Variants in FAM163A observed in about 807,000 individuals in gnomAD.
The protein encoded by FAM163A is family with sequence similarity 163 member A, also known as protein FAM163A.
Under a neutral mutation model 12.0 loss-of-function variants are expected in FAM163A, and 7 were observed. The ratio of observed to expected loss-of-function variants is 0.58; its 90% CI spans 0.33 to 1.10. The LOEUF (loss-of-function observed/expected upper bound fraction) is 1.10. Ranked by LOEUF, FAM163A falls within the 50% of genes least tolerant of loss-of-function variation. The pLI is 0.03. For missense variants in FAM163A, 202 were observed against 218.6 expected (o/e 0.92, Z 0.48); for synonymous variants, 101 against 91.0 (o/e 1.11, Z -0.62).
intron 1 of FAM163A, among the ~76,000 whole-genome samples, chr1:179,776,110 C>G (rs114901816): frequency 0.011 from 1,634 of 152,188 alleles, 36 homozygotes; most frequent in African/African-American, 0.037. Flanking sequence ...GTCTAGTCAA[C>G]GAGTCAGCAT....
chr1:179,808,885 G>A (rs1694314835), intron 2 of FAM163A, among the ~76,000 whole-genome samples: 1 of 152,160 alleles, frequency 6.6e-6, no homozygotes, highest in Non-Finnish European at 1.5e-5. Flanking sequence ...AAGAGACAAT[G>A]AGCCCTCCTG....
chr1:179,740,036 C>A (rs368257250), upstream of FAM163A, among the ~76,000 whole-genome samples: 1 of 152,224 alleles, frequency 6.6e-6, no homozygotes, highest in Admixed American at 6.5e-5. Flanking sequence ...GACTACCATA[C>A]GATCTAGCAA....
intron 1 of FAM163A, among the ~76,000 whole-genome samples, chr1:179,766,122 A>G (rs2318390): frequency 0.11 from 17,361 of 152,164 alleles, 1,094 homozygotes; most frequent in Non-Finnish European, 0.13. Flanking sequence ...ACTTTCCCCT[A>G]CATTCCTGTC....
intron 2 of FAM163A, among the ~76,000 whole-genome samples, chr1:179,809,598 A>G (rs1222204540): frequency 6.6e-6 from 1 of 152,080 alleles, no homozygotes; most frequent in Non-Finnish European, 1.5e-5. Context: ...GTCCTGAAAG[A>G]GGGGTGGTCC....
chr1:179,775,701 C>G (rs1688860059), intron 1 of FAM163A, among the ~76,000 whole-genome samples: 1 of 152,110 alleles, frequency 6.6e-6, no homozygotes, highest in Non-Finnish European at 1.5e-5. Flanking sequence ...ATTCAGTATT[C>G]AATAAATATC....
chr1:179,747,605 G>A (rs547463996), intron 1 of FAM163A, among the ~76,000 whole-genome samples: 2 of 152,308 alleles, frequency 1.3e-5, no homozygotes, highest in South Asian at 4.1e-4. Context: ...TCGGGTATAT[G>A]TGAGAGCCCA....
intron 2 of FAM163A, among the ~76,000 whole-genome samples, 173 bp downstream of exon 2, chr1:179,808,061 G>A (rs1694198640): frequency 6.6e-6 from 1 of 152,148 alleles, no homozygotes; most frequent in Non-Finnish European, 1.5e-5. Flanking sequence ...GGCCACCACT[G>A]AGTCATTCTG....
intron 1 of FAM163A, among the ~76,000 whole-genome samples, 178 bp downstream of exon 1, chr1:179,743,601 G>T (rs1046172341): frequency 2.0e-5 from 3 of 152,162 alleles, no homozygotes; most frequent in Non-Finnish European, 4.4e-5. Flanking sequence ...TCTGCCCACC[G>T]CGCCGCCTTC....
chr1:179,767,136 G>A (rs758107548), intron 1 of FAM163A, among the ~76,000 whole-genome samples: 7 of 152,020 alleles, frequency 4.6e-5, no homozygotes, highest in Non-Finnish European at 8.8e-5. Flanking sequence ...ATGATATCAG[G>A]CACCAAGACA....
At chr1:179,760,857 C>T (rs1211691048) in intron 1 of FAM163A, among the ~76,000 whole-genome samples, 1 of 152,216 alleles carries the variant, frequency 6.6e-6, no homozygotes, top group East Asian at 1.9e-4. Flanking sequence ...AGGACCCCCG[C>T]AATCTGGCTG....
chr1:179,768,293 A>C (rs763894618), intron 1 of FAM163A, among the ~76,000 whole-genome samples: 1 of 152,128 alleles, frequency 6.6e-6, no homozygotes. Context: ...TTTGCAACTC[A>C]TCACCCACAT....
chr1:179,797,758 T>G (rs1302913032), intron 1 of FAM163A, among the ~76,000 whole-genome samples: 1 of 152,104 alleles, frequency 6.6e-6, no homozygotes, highest in Non-Finnish European at 1.5e-5. Flanking sequence ...TTTCCTTAGT[T>G]TTGCTCTCTC....
At chr1:179,756,640 G>T (rs916038784) in intron 1 of FAM163A, among the ~76,000 whole-genome samples, 3 of 152,206 alleles carry the variant, frequency 2.0e-5, no homozygotes, top group Non-Finnish European at 1.5e-5. Context: ...TTCAAGGAAG[G>T]TTGAATCCAG....
intron 1 of FAM163A, among the ~76,000 whole-genome samples, chr1:179,798,140 G>A (rs1218344461): frequency 2.0e-5 from 3 of 152,050 alleles, no homozygotes; most frequent in African/African-American, 7.2e-5. Context: ...TGATACACAA[G>A]AAACGCTTGA....
intron 1 of FAM163A, among the ~76,000 whole-genome samples, chr1:179,753,288 G>T (rs934384298): frequency 1.3e-5 from 2 of 152,220 alleles, no homozygotes; most frequent in Non-Finnish European, 2.9e-5. Flanking sequence ...GAGTAGACTG[G>T]TGATTGCCCA....
intron 4 of FAM163A, 37 bp downstream of exon 4, chr1:179,813,227 C>A: frequency 6.5e-7 from 1 of 1,537,362 alleles, no homozygotes; most frequent in Non-Finnish European, 8.8e-7. Flanking sequence ...GGCTGCCAGG[C>A]CACCAGCAAA....
chr1:179,760,288 T>C (rs1296113029), intron 1 of FAM163A, among the ~76,000 whole-genome samples: 1 of 152,176 alleles, frequency 6.6e-6, no homozygotes. Context: ...TAGCATTTAT[T>C]GAGTGCCCAT....
At chr1:179,789,049 C>T (rs900724992) in intron 1 of FAM163A, among the ~76,000 whole-genome samples, 1 of 152,240 alleles carries the variant, frequency 6.6e-6, no homozygotes, top group African/African-American at 2.4e-5. Context: ...GCATGTCTGC[C>T]ACCAGACTCT....
chr1:179,805,539 C>T (rs976060021), intron 1 of FAM163A, among the ~76,000 whole-genome samples: 25 of 150,442 alleles, frequency 1.7e-4, no homozygotes, highest in African/African-American at 6.1e-4. Flanking sequence ...CCCAAAACTC[C>T]GTCTCAAAAA....
Sources: allele counts gnomAD v4.1 joint callset (sites outside exome capture counted in the v4.1 genomes callset), GRCh38; gene constraint gnomAD v4.1.1; transcripts MANE v1.5; gene names NCBI Gene and HGNC (gene_info 2026-07-23, HGNC 2026-07-21).